FAM169A: variants seen among roughly 807,000 people sequenced by gnomAD.
FAM169A encodes soluble lamin-associated protein of 75 kDa.
FAM169A carries 24 observed loss-of-function variants against 75.7 expected under a neutral mutation model. The ratio of observed to expected loss-of-function variants is 0.32; its 90% CI spans 0.23 to 0.45. The LOEUF (loss-of-function observed/expected upper bound fraction) is 0.45, where lower values mean the gene tolerates loss of function less well. Among genes scored for constraint, FAM169A ranks in the 20% least tolerant of loss-of-function variants. The pLI is 1.00. For missense variants in FAM169A, 673 were observed against 784.0 expected (o/e 0.86, Z 1.69); for synonymous variants, 271 against 271.0 (o/e 1.00, Z 0.00).
At chr5:74,866,467 G>C (rs1750355201), upstream of FAM169A, 1 of 830,028 alleles carries the variant, frequency 1.2e-6, no homozygotes. Flanking sequence ...AGCGCGGAGC[G>C]GCCCCTCCTC....
At position 74,806,625 on chromosome 5, in the gene FAM169A, G is replaced by A. The variant is rs111965077; in HGVS notation, c.671-1341C>T. ...CCTATTACCAGCACTGTCCAATACA[G>A]TAGCCACTAGCCACATGTGACTACT... On this transcript the variant is annotated intron_variant, in intron 6 of 12. Transcript: ENST00000687041. Among the ~76,000 whole-genome samples, 279 of 152,254 alleles carry A rather than the reference G, an allele frequency of 1.8e-3. 2 individuals are homozygous for A. Among genetic ancestry groups the A allele is most frequent in the African/African-American group, 6.3e-3 (260 of 41,554 alleles).
intron 11 of FAM169A, among the ~76,000 whole-genome samples, chr5:74,790,561 A>G (rs951535069): frequency 3.3e-5 from 5 of 152,206 alleles, no homozygotes; most frequent in African/African-American, 1.2e-4. Context: ...GTACTCTACC[A>G]AAGGGTGACC....
chr5:74,836,247 T>C (rs537113058), intron 4 of FAM169A, among the ~76,000 whole-genome samples: 9 of 152,352 alleles, frequency 5.9e-5, no homozygotes, highest in Admixed American at 6.5e-5. Flanking sequence ...TTGGTGTTCA[T>C]GGTGTACAGT....
intron 7 of FAM169A, 135 bp downstream of exon 7, chr5:74,805,020 TA>T (rs1276379277): frequency 1.4e-6 from 1 of 703,194 alleles, no homozygotes; most frequent in African/African-American, 1.8e-5. Flanking sequence ...AATCACATTA[TA>T]ATACACTACC....
chr5:74,781,427 A>G lies in FAM169A; in HGVS notation c.*33T>C. On this transcript the variant is annotated 3_prime_UTR_variant, in exon 13 of 13. Transcript: ENST00000687041. ...TTTAAAAACAACAACTATGTTACAA[A>G]GAAGAGGATTTATCATCCACTTTCT... 1 of 1,574,392 alleles carries G rather than the reference A, an allele frequency of 6.4e-7. No individual in the cohort carries two copies. Among genetic ancestry groups the G allele is most frequent in the Non-Finnish European group, 8.7e-7 (1 of 1,152,820 alleles).
chr5:74,861,195 T>A (rs1303073109), intron 1 of FAM169A, among the ~76,000 whole-genome samples: 1 of 152,186 alleles, frequency 6.6e-6, no homozygotes, highest in Non-Finnish European at 1.5e-5. Context: ...AAAAATTGTG[T>A]GCATTTAGAC....
intron 2 of FAM169A, among the ~76,000 whole-genome samples, chr5:74,840,392 A>G (rs1414371859): frequency 1.3e-5 from 2 of 152,146 alleles, no homozygotes; most frequent in Non-Finnish European, 2.9e-5. Flanking sequence ...TGTTTCATAA[A>G]TATTATTATG....
At chr5:74,861,892 G>A (rs1750056189) in intron 1 of FAM169A, among the ~76,000 whole-genome samples, 1 of 152,170 alleles carries the variant, frequency 6.6e-6, no homozygotes, top group Non-Finnish European at 1.5e-5. Context: ...CAATAAGCTT[G>A]CAAGGCATGT....
At chr5:74,861,059 C>T (rs1254738112) in intron 1 of FAM169A, among the ~76,000 whole-genome samples, 1 of 152,114 alleles carries the variant, frequency 6.6e-6, no homozygotes, top group African/African-American at 2.4e-5. Flanking sequence ...ATCCCTTGAA[C>T]CCAAGAGGCT....
intron 10 of FAM169A, chr5:74,799,891 T>A: frequency 1.0e-6 from 1 of 973,802 alleles, no homozygotes; most frequent in Non-Finnish European, 1.7e-6. Context: ...ATGTCTGCCA[T>A]GGAATGCTTC....
intron 1 of FAM169A, among the ~76,000 whole-genome samples, chr5:74,851,710 A>G (rs1015420779): frequency 6.6e-5 from 10 of 152,212 alleles, no homozygotes; most frequent in Non-Finnish European, 1.2e-4. Flanking sequence ...GTACTTCACA[A>G]CCCAGACTAC....
At chr5:74,799,082 A>G in intron 10 of FAM169A, 1 of 988,724 alleles carries the variant, frequency 1.0e-6, no homozygotes, top group Non-Finnish European at 1.6e-6. Context: ...GTCAATAATC[A>G]CGAAGTGCAC....
intron 1 of FAM169A, among the ~76,000 whole-genome samples, chr5:74,857,735 T>C (rs1300326024): frequency 1.3e-5 from 2 of 152,130 alleles, no homozygotes; most frequent in Admixed American, 6.5e-5. Flanking sequence ...AATGAATTAA[T>C]TACAGTGCAT....
chr5:74,797,749 A>C (rs898275401), intron 10 of FAM169A, among the ~76,000 whole-genome samples: 1 of 152,200 alleles, frequency 6.6e-6, no homozygotes, highest in African/African-American at 2.4e-5. Flanking sequence ...TCACTGCAGA[A>C]AGTTCTATTT....
Position 74,842,420 on chromosome 5 carries a change from CAAAAAAAAAAAAAAA to C in FAM169A, c.-3-756_-3-742del, listed in dbSNP as rs56653446. Among the ~76,000 whole-genome samples the C allele has an allele frequency of 3.3e-3, 74 of 22,468 alleles. 1 individual carries two copies. In the South Asian group the frequency reaches 0.043, roughly 13 times the overall value. The allele number at this position is 22,468 out of a possible 152,430, so 14.7% of individuals were successfully genotyped here. A position where few individuals can be genotyped will look rare whatever the true frequency, so the allele number is the denominator to read the frequency against. ...TGGGTGAAAGAGTGAGACTCTATCACAAAAAAAAAAAAAAAAAAAAAAAAAAAAAAAAAAAATCAC... is the reference window on the plus strand; with the variant it reads ...TGGGTGAAAGAGTGAGACTCTATCACAAAAAAAAAAAAAAAAAAAAATCAC... On this transcript the variant is annotated intron_variant, in intron 1 of 12. Transcript: ENST00000687041.
chr5:74,792,440 C>T (rs557747881), intron 11 of FAM169A, among the ~76,000 whole-genome samples: 18 of 152,160 alleles, frequency 1.2e-4, no homozygotes, highest in African/African-American at 4.3e-4. Context: ...CAGCCTACAT[C>T]TTTCTCCTGT....
chr5:74,808,709 A>C (rs189149367), intron 6 of FAM169A, among the ~76,000 whole-genome samples: 120 of 152,362 alleles, frequency 7.9e-4, no homozygotes, highest in African/African-American at 2.7e-3. Context: ...CATAAATATG[A>C]AACCATAAGT....
chr5:74,830,747 A>AAT (rs1440765965), intron 5 of FAM169A, among the ~76,000 whole-genome samples: 1 of 152,196 alleles, frequency 6.6e-6, no homozygotes, highest in Non-Finnish European at 1.5e-5. Context: ...GATAATGCCC[A>AAT]AACTTGAAAC....
At chr5:74,820,777 CA>C (rs1747730003) in intron 5 of FAM169A, among the ~76,000 whole-genome samples, 1 of 152,138 alleles carries the variant, frequency 6.6e-6, no homozygotes, top group South Asian at 2.1e-4. Flanking sequence ...CTCCTATACC[CA>C]AAACCCTTCA....
Sources: gnomAD v4.1 joint callset for allele counts (sites outside exome capture counted in the v4.1 genomes callset) on GRCh38, gnomAD v4.1.1 for gene constraint, MANE v1.5 for transcripts, NCBI Gene and HGNC (gene_info 2026-07-23, HGNC 2026-07-21) for gene names.